CHRNA7: variants seen among roughly 807,000 people sequenced by gnomAD.
CHRNA7 encodes neuronal acetylcholine receptor subunit alpha-7.
CHRNA7 carries 17 observed loss-of-function variants against 48.0 expected under a neutral mutation model. The ratio of observed to expected loss-of-function variants is 0.35; its 90% CI spans 0.24 to 0.53. The LOEUF (loss-of-function observed/expected upper bound fraction) is 0.53. Among genes scored for constraint, CHRNA7 ranks in the 20% least tolerant of loss-of-function variants. The pLI, the probability that CHRNA7 is intolerant of heterozygous loss-of-function variation, is 0.92. For synonymous variants in CHRNA7, 75 were observed against 242.3 expected (o/e 0.31, Z 6.41); for missense variants, 155 against 577.7 (o/e 0.27, Z 7.50).
At chr15:32,068,576 A>T (rs2050002657) in intron 2 of CHRNA7, among the ~76,000 whole-genome samples, 1 of 152,088 alleles carries the variant, frequency 6.6e-6, no homozygotes, top group African/African-American at 2.4e-5. Context: ...GCATTACTAC[A>T]TCTCTACATG....
chr15:32,130,533 GAT>G (rs925866062), intron 4 of CHRNA7, among the ~76,000 whole-genome samples: 2 of 149,254 alleles, frequency 1.3e-5, no homozygotes, highest in African/African-American at 4.9e-5. Context: ...GTGTGTCTGT[GAT>G]ATATATATAT....
chr15:32,085,439 G>C (rs972318594), intron 2 of CHRNA7, among the ~76,000 whole-genome samples: 9 of 152,266 alleles, frequency 5.9e-5, no homozygotes, highest in Admixed American at 3.3e-4. Context: ...TTCATTCTAA[G>C]ATGCACATTA....
At position 32,111,840 on chromosome 15, in the gene CHRNA7, G is replaced by A. The variant is rs1003244214; in HGVS notation, c.291G>A (p.Val97=). ...GGAATGTGTCAGAATATCCAGGGGT[G>A]AAGACTGTTCGTTTCCCAGATGGCC... ...LQWNVSEYPG[V]KTVRFPDGQI... Residue 97 remains valine (V), a synonymous_variant, in exon 4 of 10, where the codon GTG becomes GTA. Coordinates refer to ENST00000306901, the MANE Select transcript of CHRNA7 (RefSeq NM_000746.6). 3 of 1,613,882 alleles carry A rather than the reference G, an allele frequency of 1.9e-6. No homozygotes were observed. The highest frequency in any genetic ancestry group is 1.7e-5 in the Admixed American group (1 of 60,008).
rs1408327814 is a variant in CHRNA7 at position 32,137,322 on chromosome 15, CTA to C, written c.351-16583_351-16582del. Among the ~76,000 whole-genome samples the C allele has an allele frequency of 8.5e-5, 5 of 58,706 alleles. No homozygotes were observed. In the Admixed American group the frequency reaches 1.2e-3, roughly 14 times the overall value. The allele number at this position is 58,706 out of a possible 152,430, so 38.5% of individuals were successfully genotyped here. ...AGGAACAAAAATAAAATGTGAGTGGCTATGTTTACAACACCCCCCCCCCACAC... is the reference window on the plus strand; with the variant it reads ...AGGAACAAAAATAAAATGTGAGTGGCTGTTTACAACACCCCCCCCCCACAC... On this transcript the variant is annotated intron_variant, in intron 4 of 9. Transcript: ENST00000306901.
intron 2 of CHRNA7, among the ~76,000 whole-genome samples, chr15:32,073,305 C>G (rs1017933919): frequency 6.6e-6 from 1 of 152,182 alleles, no homozygotes; most frequent in East Asian, 1.9e-4. Flanking sequence ...TTTCTTTTGG[C>G]TGATTTCTCC....
At chr15:32,043,451 A>G (rs2049483007) in intron 2 of CHRNA7, among the ~76,000 whole-genome samples, 1 of 150,984 alleles carries the variant, frequency 6.6e-6, no homozygotes, top group Admixed American at 6.6e-5. Context: ...TTTTTCTTAC[A>G]CTTTTCTGGA....
chr15:32,048,071 G>A (rs1467607797), intron 2 of CHRNA7, among the ~76,000 whole-genome samples: 2 of 152,142 alleles, frequency 1.3e-5, no homozygotes, highest in Non-Finnish European at 2.9e-5. Flanking sequence ...GATTCCGTTT[G>A]CCAGTATTTT....
intron 2 of CHRNA7, among the ~76,000 whole-genome samples, chr15:32,075,828 TTTA>T: frequency 6.6e-6 from 1 of 152,128 alleles, no homozygotes; most frequent in African/African-American, 2.4e-5. Context: ...CATATATGCA[TTTA>T]TTATTGTAAA....
chr15:32,089,479 GAC>G (rs1403771177), intron 2 of CHRNA7, among the ~76,000 whole-genome samples: 3 of 151,802 alleles, frequency 2.0e-5, no homozygotes, highest in Non-Finnish European at 2.9e-5. Flanking sequence ...TTACATTTTT[GAC>G]ACAACATGTT....
intron 2 of CHRNA7, among the ~76,000 whole-genome samples, chr15:32,056,191 C>T (rs2049785624): frequency 6.6e-6 from 1 of 152,126 alleles, no homozygotes; most frequent in Admixed American, 6.5e-5. Flanking sequence ...CTTTCTTCTA[C>T]ATTTAGTGCT....
chr15:32,139,240 A>G (rs1595491480), intron 4 of CHRNA7, among the ~76,000 whole-genome samples: 1 of 152,150 alleles, frequency 6.6e-6, no homozygotes, highest in Admixed American at 6.5e-5. Context: ...CATTGTTTGG[A>G]TATAGCACAG....
intron 4 of CHRNA7, among the ~76,000 whole-genome samples, chr15:32,125,054 G>A (rs762718289): frequency 3.3e-5 from 5 of 152,244 alleles, no homozygotes; most frequent in South Asian, 2.1e-4. Flanking sequence ...TGCCCTAGCC[G>A]GAGCCCTATG....
intron 2 of CHRNA7, among the ~76,000 whole-genome samples, chr15:32,039,775 A>G (rs1274728484): frequency 6.6e-6 from 1 of 152,242 alleles, no homozygotes. Context: ...TTGATGGACA[A>G]TGTTTTGAGT....
At chr15:32,116,269 C>A (rs1163684860) in intron 4 of CHRNA7, among the ~76,000 whole-genome samples, 1 of 152,210 alleles carries the variant, frequency 6.6e-6, no homozygotes, top group Non-Finnish European at 1.5e-5. Flanking sequence ...TTGGAGTCCC[C>A]ACGTGAGTCA....
intron 4 of CHRNA7, among the ~76,000 whole-genome samples, chr15:32,124,272 C>G (rs376898269): frequency 1.3e-5 from 2 of 151,826 alleles, no homozygotes; most frequent in African/African-American, 4.8e-5. Context: ...AGATGAAAGA[C>G]AAAATACGTA....
intron 4 of CHRNA7, among the ~76,000 whole-genome samples, chr15:32,127,979 C>A (rs2051096836): frequency 6.6e-6 from 1 of 151,962 alleles, no homozygotes; most frequent in Admixed American, 6.6e-5. Context: ...AAGTTGATGT[C>A]AATTTTTGGT....
chr15:32,062,751 C>A (rs1285696953), intron 2 of CHRNA7, among the ~76,000 whole-genome samples: 2 of 152,184 alleles, frequency 1.3e-5, no homozygotes, highest in Non-Finnish European at 2.9e-5. Flanking sequence ...GGGCTTCCTA[C>A]AACTTCCTCA....
chr15:32,083,268 T>C (rs1318074440), intron 2 of CHRNA7, among the ~76,000 whole-genome samples: 1 of 152,114 alleles, frequency 6.6e-6, no homozygotes, highest in African/African-American at 2.4e-5. Flanking sequence ...GTGGATGTGT[T>C]AAAAAAGTGA....
intron 4 of CHRNA7, among the ~76,000 whole-genome samples, chr15:32,127,541 T>C (rs1033463001): frequency 1.3e-5 from 2 of 152,140 alleles, no homozygotes; most frequent in Non-Finnish European, 2.9e-5. Context: ...TACATTCTCC[T>C]GGTGGCTAAT....
Sources: allele counts gnomAD v4.1 joint callset (sites outside exome capture counted in the v4.1 genomes callset), GRCh38; gene constraint gnomAD v4.1.1; transcripts MANE v1.5; gene names NCBI Gene and HGNC (gene_info 2026-07-23, HGNC 2026-07-21).